The following CSMD1 variants were observed in gnomAD, a reference collection of about 807,000 sequenced individuals.
CSMD1 encodes CUB and sushi domain-containing protein 1.
Under a neutral mutation model 417.5 loss-of-function variants are expected in CSMD1, and 213 were observed. That is an observed-to-expected ratio of 0.51 (90% CI 0.46 to 0.57). The LOEUF is 0.57. Among genes scored for constraint, CSMD1 ranks in the 20% least tolerant of loss-of-function variants. The pLI is 0.00. For synonymous variants in CSMD1, 2,862 were observed against 1,736.8 expected, an observed-to-expected ratio of 1.65 and a Z score of -16.11; for missense variants, 6,923 against 4,529.7, an observed-to-expected ratio of 1.53 and a Z score of -15.17.
intron 2 of CSMD1, among the ~76,000 whole-genome samples, chr8:4,445,976 A>G (rs982146464): frequency 2.0e-5 from 3 of 152,170 alleles, no homozygotes; most frequent in Non-Finnish European, 2.9e-5. Context: ...AAGGATAGCA[A>G]CAATGTCAGT....
At chr8:4,120,960 C>G (rs902244911) in intron 3 of CSMD1, among the ~76,000 whole-genome samples, 2 of 152,142 alleles carry the variant, frequency 1.3e-5, no homozygotes, top group Non-Finnish European at 2.9e-5. Context: ...ACTTTTCTTA[C>G]ATGGTCATGG....
At chr8:3,418,589 G>T (rs772758703) in intron 12 of CSMD1, among the ~76,000 whole-genome samples, 4 of 152,164 alleles carry the variant, frequency 2.6e-5, no homozygotes, top group Non-Finnish European at 4.4e-5. Flanking sequence ...TGAAGATTCA[G>T]ATCCAACAAT....
chr8:4,137,862 CA>C (rs1803527780), intron 3 of CSMD1, among the ~76,000 whole-genome samples: 1 of 85,578 alleles, frequency 1.2e-5, no homozygotes, highest in African/African-American at 3.2e-5. Flanking sequence ...GGATGCCTTA[CA>C]TTATTTTTTT....
chr8:2,995,241 G>C (rs965840956), intron 54 of CSMD1, among the ~76,000 whole-genome samples: 18 of 152,134 alleles, frequency 1.2e-4, no homozygotes, highest in Admixed American at 3.3e-4. Context: ...TGAGCAAAAG[G>C]CATGAACAGA....
chr8:3,090,689 C>T (rs1371907309), intron 48 of CSMD1, among the ~76,000 whole-genome samples: 1 of 152,190 alleles, frequency 6.6e-6, no homozygotes, highest in African/African-American at 2.4e-5. Flanking sequence ...ACTTCCCATA[C>T]ACAATGAGCA....
chr8:3,635,140 G>A (rs1460532056), intron 7 of CSMD1, among the ~76,000 whole-genome samples: 2 of 152,118 alleles, frequency 1.3e-5, no homozygotes, highest in Non-Finnish European at 2.9e-5. Flanking sequence ...TAAGTGGACG[G>A]TGAGTGCGTG....
At chr8:3,719,419 C>A (rs190729017) in intron 6 of CSMD1, among the ~76,000 whole-genome samples, 1 of 152,144 alleles carries the variant, frequency 6.6e-6, no homozygotes, top group East Asian at 1.9e-4. Flanking sequence ...AGTCTAGTTT[C>A]TCATTCTTTT....
At chr8:4,937,637 C>T (rs1807710221) in intron 1 of CSMD1, among the ~76,000 whole-genome samples, 1 of 152,256 alleles carries the variant, frequency 6.6e-6, no homozygotes, top group South Asian at 2.1e-4. Context: ...ACGGAGGCAT[C>T]AAATAAAAGC....
intron 4 of CSMD1, among the ~76,000 whole-genome samples, chr8:4,013,613 C>T (rs1222238614): frequency 6.6e-6 from 1 of 152,148 alleles, no homozygotes; most frequent in African/African-American, 2.4e-5. Flanking sequence ...TCTGTTGCTT[C>T]TCATTTGCTT....
At chr8:4,682,500 G>A (rs962436028) in intron 1 of CSMD1, among the ~76,000 whole-genome samples, 2 of 151,632 alleles carry the variant, frequency 1.3e-5, no homozygotes, top group African/African-American at 4.9e-5. Flanking sequence ...GAAAGATACA[G>A]GAAAAAGAAT....
intron 3 of CSMD1, among the ~76,000 whole-genome samples, chr8:4,168,602 C>A (rs1318219501): frequency 2.6e-5 from 4 of 151,986 alleles, no homozygotes; most frequent in African/African-American, 9.7e-5. Context: ...CAAAACGCTA[C>A]CAACATGTGT....
At chr8:4,727,923 T>A (rs1038712033) in intron 1 of CSMD1, among the ~76,000 whole-genome samples, 3 of 144,544 alleles carry the variant, frequency 2.1e-5, no homozygotes, top group Non-Finnish European at 4.5e-5. Context: ...ACCAAATACA[T>A]CTAATATATA....
chr8:4,195,048 T>C (rs1182476992), intron 3 of CSMD1, among the ~76,000 whole-genome samples: 1 of 152,170 alleles, frequency 6.6e-6, no homozygotes, highest in Non-Finnish European at 1.5e-5. Context: ...ATTTAAAAAT[T>C]ACAAAGCAGT....
intron 18 of CSMD1, among the ~76,000 whole-genome samples, chr8:3,385,164 AATAT>A (rs1333183783): frequency 5.1e-5 from 7 of 137,236 alleles, no homozygotes; most frequent in Admixed American, 2.4e-4. Context: ...TATAATACAT[AATAT>A]ATAAATATAT....
intron 3 of CSMD1, among the ~76,000 whole-genome samples, chr8:4,100,118 G>T (rs78748026): frequency 6.6e-6 from 1 of 152,044 alleles, no homozygotes; most frequent in South Asian, 2.1e-4. Context: ...TGACTCCGGG[G>T]AAATTACTTA....
chr8:3,932,461 T>C (rs1477170669), intron 5 of CSMD1, among the ~76,000 whole-genome samples: 1 of 150,414 alleles, frequency 6.6e-6, no homozygotes, highest in Non-Finnish European at 1.5e-5. Flanking sequence ...AGCACGGTAA[T>C]AAGACCTTGA....
chr8:4,715,594 C>G (rs1424340437), intron 1 of CSMD1, among the ~76,000 whole-genome samples: 1 of 152,102 alleles, frequency 6.6e-6, no homozygotes, highest in Non-Finnish European at 1.5e-5. Flanking sequence ...TCACTGACAT[C>G]CAAAATTTAA....
At chr8:3,837,141 G>C (rs1802763828) in intron 5 of CSMD1, among the ~76,000 whole-genome samples, 1 of 131,372 alleles carries the variant, frequency 7.6e-6, no homozygotes. Flanking sequence ...TGAAAGTGTA[G>C]TCACTAAAGG....
rs555393055 is a variant in CSMD1 at position 4,031,388 on chromosome 8, G to T, written c.610+517C>A. ...TCTTACATGCATGGCAGCAGGCAAA[G>T]AGAGAGCTTGTGCAGGGGAACTCCT... On this transcript the variant is annotated intron_variant, in intron 4 of 69. Coordinates refer to ENST00000635120, the MANE Select transcript of CSMD1 (RefSeq NM_033225.6). 1.1e-4 allele frequency among the ~76,000 whole-genome samples: 17 copies of T among 152,320 alleles called. No homozygotes were observed. In the South Asian group the frequency reaches 3.5e-3, roughly 32 times the overall value.
Sources: allele counts gnomAD v4.1 joint callset (sites outside exome capture counted in the v4.1 genomes callset), GRCh38; gene constraint gnomAD v4.1.1; transcripts MANE v1.5; gene names NCBI Gene and HGNC (gene_info 2026-07-23, HGNC 2026-07-21).